Variants in PCSK2 observed in about 807,000 individuals in gnomAD.
The protein encoded by PCSK2 is neuroendocrine convertase 2.
PCSK2 carries 14 observed loss-of-function variants against 69.7 expected under a neutral mutation model. The ratio of observed to expected loss-of-function variants is 0.20; its 90% CI spans 0.13 to 0.31. The LOEUF is 0.31. Ranked by LOEUF, PCSK2 falls within the 10% of genes least tolerant of loss-of-function variation. The pLI is 1.00. For synonymous variants in PCSK2, 307 were observed against 320.7 expected, an observed-to-expected ratio of 0.96 and a Z score of 0.46; for missense variants, 544 against 842.5, an observed-to-expected ratio of 0.65 and a Z score of 4.39.
Position 17,297,844 on chromosome 20 carries a change from T to C in PCSK2, c.282+37500T>C, listed in dbSNP as rs1448358981. Among the ~76,000 whole-genome samples the C allele has an allele frequency of 2.6e-5, 4 of 152,236 alleles. No individual in the cohort carries two copies. In the East Asian group the frequency reaches 7.7e-4, roughly 29 times the overall value. ...TTCATTTTTTGCCTTCCTATGTCAGTTATTTTTAAGCTAATTTTTTAAAAT... is the reference window on the plus strand; with the variant it reads ...TTCATTTTTTGCCTTCCTATGTCAGCTATTTTTAAGCTAATTTTTTAAAAT... On this transcript the variant is annotated intron_variant, in intron 2 of 11. Transcript: ENST00000262545.
At chr20:17,448,758 C>G (rs747770768) in intron 8 of PCSK2, among the ~76,000 whole-genome samples, 3 of 152,118 alleles carry the variant, frequency 2.0e-5, no homozygotes, top group Non-Finnish European at 2.9e-5. Context: ...TAAGTACACT[C>G]CATAGTACCT....
chr20:17,437,933 C>A (rs1204223820), intron 8 of PCSK2, among the ~76,000 whole-genome samples: 1 of 152,210 alleles, frequency 6.6e-6, no homozygotes, highest in African/African-American at 2.4e-5. Flanking sequence ...CAGCTCCCAC[C>A]CCTAGGCTTA....
At chr20:17,401,610 T>A (rs2031639380) in intron 5 of PCSK2, among the ~76,000 whole-genome samples, 2 of 152,268 alleles carry the variant, frequency 1.3e-5, no homozygotes, top group South Asian at 4.1e-4. Context: ...AAGATTGAAA[T>A]TACACATCTG....
chr20:17,345,984 C>G (rs1370251744), intron 2 of PCSK2, among the ~76,000 whole-genome samples: 1 of 152,150 alleles, frequency 6.6e-6, no homozygotes, highest in African/African-American at 2.4e-5. Flanking sequence ...AGCTTGCTGG[C>G]CATATACAGC....
chr20:17,284,279 C>A (rs1261718219), intron 2 of PCSK2, among the ~76,000 whole-genome samples: 1 of 152,168 alleles, frequency 6.6e-6, no homozygotes. Flanking sequence ...AGGCTTGGCC[C>A]CGTATACATG....
chr20:17,352,992 AC>A (rs1249426429), intron 2 of PCSK2, among the ~76,000 whole-genome samples: 2 of 152,054 alleles, frequency 1.3e-5, no homozygotes, highest in Non-Finnish European at 2.9e-5. Flanking sequence ...AAACAAATCA[AC>A]AAAAAAAAAA....
At chr20:17,361,244 G>A (rs974582760) in intron 4 of PCSK2, among the ~76,000 whole-genome samples, 1 of 152,128 alleles carries the variant, frequency 6.6e-6, no homozygotes, top group Non-Finnish European at 1.5e-5. Flanking sequence ...TGACTTTATT[G>A]CTGCTTTCAG....
chr20:17,345,085 G>A (rs991633626), intron 2 of PCSK2, among the ~76,000 whole-genome samples: 1 of 152,110 alleles, frequency 6.6e-6, no homozygotes, highest in African/African-American at 2.4e-5. Flanking sequence ...TTCAAATAGA[G>A]ACATAATCAG....
chr20:17,371,279 A>G (rs147567063), intron 5 of PCSK2, among the ~76,000 whole-genome samples: 46 of 152,202 alleles, frequency 3.0e-4, no homozygotes, highest in African/African-American at 8.9e-4. Context: ...TCCCAACTCC[A>G]GCTGCCAGAT....
intron 2 of PCSK2, among the ~76,000 whole-genome samples, chr20:17,265,691 T>C (rs540237822): frequency 1.7e-4 from 26 of 152,332 alleles, no homozygotes; most frequent in African/African-American, 6.0e-4. Flanking sequence ...CAAATTCTCA[T>C]GGTTTGTAAG....
At chr20:17,424,768 G>C (rs1167637653) in intron 6 of PCSK2, among the ~76,000 whole-genome samples, 1 of 151,632 alleles carries the variant, frequency 6.6e-6, no homozygotes, top group Non-Finnish European at 1.5e-5. Flanking sequence ...TGGGATTACA[G>C]GCGTGAGCCA....
chr20:17,329,970 G>A (rs2123149364), intron 2 of PCSK2, among the ~76,000 whole-genome samples: 1 of 152,248 alleles, frequency 6.6e-6, no homozygotes, highest in Non-Finnish European at 1.5e-5. Flanking sequence ...AGCCACAACT[G>A]TGTACATAAT....
At chr20:17,451,044 ACT>A (rs2032812483) in intron 8 of PCSK2, among the ~76,000 whole-genome samples, 1 of 152,146 alleles carries the variant, frequency 6.6e-6, no homozygotes, top group Non-Finnish European at 1.5e-5. Context: ...GAAGCCAGAG[ACT>A]TTTTGGTGCT....
intron 11 of PCSK2, among the ~76,000 whole-genome samples, chr20:17,480,388 G>A (rs143623444): frequency 0.13 from 19,059 of 151,268 alleles, 1,159 homozygotes; most frequent in East Asian, 0.15. Flanking sequence ...ACAGGGTTTC[G>A]CCATGTTAGC....
chr20:17,386,643 A>G (rs2031241451), intron 5 of PCSK2, among the ~76,000 whole-genome samples: 1 of 152,142 alleles, frequency 6.6e-6, no homozygotes. Flanking sequence ...GTTGAGGGGG[A>G]AAATAGGGAG....
intron 4 of PCSK2, among the ~76,000 whole-genome samples, chr20:17,366,674 A>G (rs566988416): frequency 6.6e-6 from 1 of 152,350 alleles, no homozygotes; most frequent in South Asian, 2.1e-4. Context: ...TCTTCAGTCC[A>G]TTATTACTTT....
chr20:17,402,978 G>C (rs954714961), intron 5 of PCSK2, among the ~76,000 whole-genome samples: 13 of 151,992 alleles, frequency 8.6e-5, no homozygotes, highest in African/African-American at 3.1e-4. Flanking sequence ...GAAAAGAAAA[G>C]AAGAAAAGAA....
At chr20:17,443,393 G>A (rs528359860) in intron 8 of PCSK2, among the ~76,000 whole-genome samples, 1 of 152,144 alleles carries the variant, frequency 6.6e-6, no homozygotes, top group African/African-American at 2.4e-5. Flanking sequence ...TCCTTAAGAA[G>A]CATTTAGGAT....
At chr20:17,302,920 T>G (rs1006362296) in intron 2 of PCSK2, among the ~76,000 whole-genome samples, 1 of 152,112 alleles carries the variant, frequency 6.6e-6, no homozygotes, top group African/African-American at 2.4e-5. Context: ...ATATTTAATA[T>G]TACCCTTTTG....
Sources: allele counts gnomAD v4.1 joint callset (sites outside exome capture counted in the v4.1 genomes callset), GRCh38; gene constraint gnomAD v4.1.1; transcripts MANE v1.5; gene names NCBI Gene and HGNC (gene_info 2026-07-23, HGNC 2026-07-21).